The following PDGFD variants were observed in gnomAD, a reference collection of about 807,000 sequenced individuals.
PDGFD encodes platelet-derived growth factor D.
Under a neutral mutation model 44.7 loss-of-function variants are expected in PDGFD, and 30 were observed. That is an observed-to-expected ratio of 0.67 (90% CI 0.50 to 0.91). PDGFD has a LOEUF of 0.91. Among genes scored for constraint, PDGFD ranks in the 40% least tolerant of loss-of-function variants. The pLI is 0.00. For missense variants in PDGFD, 445 were observed against 457.8 expected, an observed-to-expected ratio of 0.97 and a Z score of 0.25; for synonymous variants, 173 against 168.4, an observed-to-expected ratio of 1.03 and a Z score of -0.21.
At chr11:104,163,743 G>T in intron 1 of PDGFD, 61 bp downstream of exon 1, 1 of 1,459,052 alleles carries the variant, frequency 6.9e-7, no homozygotes, top group Non-Finnish European at 9.2e-7. Context: ...AACATAGAAA[G>T]AACAATAACA....
chr11:104,091,844 G>A (rs566741178), intron 1 of PDGFD, among the ~76,000 whole-genome samples: 1 of 152,102 alleles, frequency 6.6e-6, no homozygotes, highest in Non-Finnish European at 1.5e-5. Context: ...CAGACCATGA[G>A]GATTGAGTAA....
intron 3 of PDGFD, among the ~76,000 whole-genome samples, chr11:103,991,399 CTTCAT>C (rs1299170836): frequency 2.0e-5 from 3 of 152,114 alleles, no homozygotes; most frequent in East Asian, 3.9e-4. Context: ...TAAAACCATT[CTTCAT>C]TTGAGTTTTA....
intron 1 of PDGFD, among the ~76,000 whole-genome samples, chr11:104,148,539 G>T (rs960124434): frequency 6.6e-6 from 1 of 152,016 alleles, no homozygotes. Flanking sequence ...TTAAAAAAAT[G>T]AAACATTGAA....
intron 1 of PDGFD, among the ~76,000 whole-genome samples, chr11:104,088,237 T>G (rs999212281): frequency 9.9e-5 from 15 of 152,242 alleles, no homozygotes; most frequent in African/African-American, 3.6e-4. Context: ...TTAGTTAAAA[T>G]GCACACATAC....
chr11:103,985,525 G>A (rs1299118779), intron 3 of PDGFD, among the ~76,000 whole-genome samples: 1 of 151,674 alleles, frequency 6.6e-6, no homozygotes, highest in African/African-American at 2.4e-5. Flanking sequence ...TTTTTGACAC[G>A]AATATGACTT....
At chr11:104,128,969 T>A (rs937482880) in intron 1 of PDGFD, among the ~76,000 whole-genome samples, 1 of 152,174 alleles carries the variant, frequency 6.6e-6, no homozygotes, top group South Asian at 2.1e-4. Context: ...GCAAACTCCG[T>A]ACATCCAGTG....
At chr11:104,084,580 A>G (rs1033100900) in intron 1 of PDGFD, among the ~76,000 whole-genome samples, 1 of 149,874 alleles carries the variant, frequency 6.7e-6, no homozygotes, top group Non-Finnish European at 1.5e-5. Flanking sequence ...TAGGATCTTT[A>G]CACACTCTTT....
intron 3 of PDGFD, among the ~76,000 whole-genome samples, chr11:103,990,632 T>C (rs1204808743): frequency 1.3e-5 from 2 of 152,174 alleles, no homozygotes; most frequent in South Asian, 4.1e-4. Flanking sequence ...TATGAAACTA[T>C]ATTGCAGCTC....
intron 1 of PDGFD, among the ~76,000 whole-genome samples, chr11:104,122,872 A>G (rs1227918804): frequency 3.9e-5 from 6 of 152,046 alleles, no homozygotes; most frequent in Non-Finnish European, 8.8e-5. Context: ...GGAAACAAAA[A>G]GATAGATAGA....
intron 5 of PDGFD, among the ~76,000 whole-genome samples, chr11:103,937,343 C>T (rs1858505264): frequency 1.3e-5 from 2 of 152,106 alleles, no homozygotes; most frequent in African/African-American, 4.8e-5. Flanking sequence ...AACACACTAT[C>T]ATTCTAGAAA....
chr11:104,019,554 C>T (rs1438049212), intron 1 of PDGFD, among the ~76,000 whole-genome samples: 1 of 152,046 alleles, frequency 6.6e-6, no homozygotes, highest in Non-Finnish European at 1.5e-5. Flanking sequence ...ACGATACGGC[C>T]AGGGAGACAA....
At chr11:104,018,457 TC>T (rs1362109243) in intron 1 of PDGFD, among the ~76,000 whole-genome samples, 1 of 152,230 alleles carries the variant, frequency 6.6e-6, no homozygotes, top group African/African-American at 2.4e-5. Context: ...TCTGCCATTG[TC>T]CATTCGTTAA....
rs563917505 is a variant in PDGFD at position 104,093,162 on chromosome 11, G to A, written c.124+70642C>T. ...TCACAAGCTAGCAGCCCTTCTAGGA[G>A]AATTTGATTTTTCACTGGGAATTCT... On this transcript the variant is annotated intron_variant, in intron 1 of 6. Transcript: ENST00000393158. 7.2e-5 allele frequency among the ~76,000 whole-genome samples: 11 copies of A among 152,194 alleles called. No individual in the cohort carries two copies. In the South Asian group the frequency reaches 8.3e-4, roughly 11 times the overall value.
At chr11:104,021,031 C>A (rs1859942735) in intron 1 of PDGFD, among the ~76,000 whole-genome samples, 1 of 152,116 alleles carries the variant, frequency 6.6e-6, no homozygotes, top group South Asian at 2.1e-4. Flanking sequence ...TCCATAAAAA[C>A]AATTTCAGCA....
intron 1 of PDGFD, among the ~76,000 whole-genome samples, chr11:104,014,545 G>C (rs764450644): frequency 2.0e-5 from 3 of 152,134 alleles, no homozygotes; most frequent in African/African-American, 7.2e-5. Flanking sequence ...CTTTCTTGTG[G>C]GACCTCCTAC....
At chr11:104,107,484 G>C (rs150685619) in intron 1 of PDGFD, among the ~76,000 whole-genome samples, 1 of 152,118 alleles carries the variant, frequency 6.6e-6, no homozygotes, top group Non-Finnish European at 1.5e-5. Context: ...CCCCTAAACT[G>C]TGCCTGGATT....
chr11:104,014,981 T>G (rs1859839379), intron 1 of PDGFD, among the ~76,000 whole-genome samples: 1 of 152,230 alleles, frequency 6.6e-6, no homozygotes, highest in Non-Finnish European at 1.5e-5. Context: ...GCTTTCATCC[T>G]AAGTATGATC....
chr11:103,913,776 A>G (rs963422472), intron 6 of PDGFD, among the ~76,000 whole-genome samples: 1 of 152,324 alleles, frequency 6.6e-6, no homozygotes, highest in Admixed American at 6.5e-5. Flanking sequence ...AAGAAAAGAG[A>G]GAAGAATCAA....
intron 1 of PDGFD, among the ~76,000 whole-genome samples, chr11:104,142,439 G>T (rs1300882283): frequency 1.3e-5 from 2 of 152,068 alleles, no homozygotes; most frequent in South Asian, 2.1e-4. Context: ...ACAGGAATGT[G>T]TGTGTGTATA....
Sources: gnomAD v4.1 joint callset for allele counts (sites outside exome capture counted in the v4.1 genomes callset) on GRCh38, gnomAD v4.1.1 for gene constraint, MANE v1.5 for transcripts, NCBI Gene and HGNC (gene_info 2026-07-23, HGNC 2026-07-21) for gene names.